The following F2 variants were observed in gnomAD, a reference collection of about 807,000 sequenced individuals.
The protein encoded by F2 is prothrombin.
In F2, 34 loss-of-function variants were observed where a neutral mutation model predicts 81.9. The observed-to-expected ratio is 0.42, with a 90% confidence interval of 0.32 to 0.55. F2 has a LOEUF of 0.55. F2 is among the 20% of genes least tolerant of loss of function. The probability of loss-of-function intolerance (pLI) is 0.18; values close to 1 mark genes in which losing one functional copy is unlikely to be tolerated. For synonymous variants in F2, 296 were observed against 326.4 expected (o/e 0.91, Z 1.01); for missense variants, 630 against 833.4 (o/e 0.76, Z 3.00).
At chr11:46,732,435 C>T (rs942522814) in intron 12 of F2, among the ~76,000 whole-genome samples, 22 of 151,070 alleles carry the variant, frequency 1.5e-4, no homozygotes, top group Non-Finnish European at 2.8e-4. Flanking sequence ...CCCATGTTGC[C>T]CAGGCTGGAT....
Position 46,728,242 on chromosome 11 carries a change from G to A in F2, c.1298+79G>A, listed in dbSNP as rs775392832. 39 of 1,423,244 alleles carry A rather than the reference G, an allele frequency of 2.7e-5. No individual in the cohort carries two copies. In the Middle Eastern group the frequency reaches 2.0e-3, roughly 71 times the overall value. 88.2% of individuals were successfully genotyped at this position (1,423,244 alleles called of 1,614,324 possible). A position where few individuals can be genotyped will look rare whatever the true frequency, so the allele number is the denominator to read the frequency against. ...GATCATGAGGGGCCCTGGTGGCTCC[G>A]GGACACATAGGATGTTCTGTATACC... On this transcript the variant is annotated intron_variant, in intron 10 of 13. Transcript: ENST00000311907. This position sits in a 1 kb window ranked among gnomAD's most constrained non-coding sequence, Gnocchi z 5.1.
chr11:46,733,880 C>T (rs549712998), intron 12 of F2, among the ~76,000 whole-genome samples: 1 of 140,506 alleles, frequency 7.1e-6, no homozygotes, highest in South Asian at 2.2e-4. Flanking sequence ...CTTCCGCCTT[C>T]TGGGTTCAAG....
intron 12 of F2, 25 bp downstream of exon 12, chr11:46,729,586 G>A (rs1419466669): frequency 6.2e-7 from 1 of 1,602,504 alleles, no homozygotes; most frequent in South Asian, 1.1e-5. Flanking sequence ...GGCGGGCTGA[G>A]GGAACAGTGG....
At position 46,719,835 on chromosome 11, in the gene F2, C is replaced by T. The variant is rs371680056; in HGVS notation, c.213C>T (p.Phe71=). 51 of 1,580,244 alleles carry T rather than the reference C, an allele frequency of 3.2e-5. No individual in the cohort carries two copies. The highest frequency in any genetic ancestry group is 1.5e-4 in the South Asian group (13 of 85,982). Residue 71 remains phenylalanine (F), a synonymous_variant, in exon 2 of 14, where the codon TTC becomes TTT. Transcript: ENST00000311907. The surrounding 1 kb of genome is among the most constrained non-coding windows in gnomAD (Gnocchi z 4.7). ...VEETCSYEEA[F]EALESSTATD... Reference sequence around the variant, plus strand: ...AGACGTGCAGCTACGAGGAGGCCTTCGAGGCTCTGGAGTCCTCCACGGCTA... The same window carrying T: ...AGACGTGCAGCTACGAGGAGGCCTTTGAGGCTCTGGAGTCCTCCACGGCTA...
At chr11:46,736,356 C>G (rs3136529) in intron 12 of F2, among the ~76,000 whole-genome samples, 18 of 152,340 alleles carry the variant, frequency 1.2e-4, no homozygotes, top group Non-Finnish European at 2.5e-4. Flanking sequence ...TGGCTGGGCT[C>G]GAGCAAGTCT....
chr11:46,731,661 G>A (rs1414176212), intron 12 of F2, among the ~76,000 whole-genome samples: 1 of 151,782 alleles, frequency 6.6e-6, no homozygotes, highest in African/African-American at 2.4e-5. Context: ...TCTGATGAGT[G>A]CAGTCTGGTT....
chr11:46,724,667 A>G (rs1304067531), intron 6 of F2, among the ~76,000 whole-genome samples: 1 of 152,174 alleles, frequency 6.6e-6, no homozygotes, highest in Non-Finnish European at 1.5e-5. Context: ...GGATGCAGGC[A>G]GGGGTAAAGA....
At position 46,726,945 on chromosome 11, in the gene F2, C is replaced by T; in HGVS notation, c.1130+108C>T. On this transcript the variant is annotated intron_variant, in intron 9 of 13. Transcript: ENST00000311907. The surrounding 1 kb of genome is among the most constrained non-coding windows in gnomAD (Gnocchi z 5.9). ...GCCTGGGCTTTACAGATGACAACAG[C>T]TGAGCATCCAGGATCCCACCAACTC... 1 of 1,548,736 alleles carries T rather than the reference C, an allele frequency of 6.5e-7. No individual in the cohort carries two copies. Among genetic ancestry groups the T allele is most frequent in the Non-Finnish European group, 8.8e-7 (1 of 1,132,866 alleles).
chr11:46,729,168 G>C (rs1206874782), intron 11 of F2, among the ~76,000 whole-genome samples: 1 of 151,980 alleles, frequency 6.6e-6, no homozygotes, highest in Non-Finnish European at 1.5e-5. Flanking sequence ...GTAGAGACTG[G>C]TGGGTTTCAC....
At chr11:46,731,143 C>T (rs1410312227) in intron 12 of F2, among the ~76,000 whole-genome samples, 2 of 152,084 alleles carry the variant, frequency 1.3e-5, no homozygotes, top group African/African-American at 4.8e-5. Flanking sequence ...TCTTGAACTC[C>T]TGACCTCAGG....
chr11:46,719,647 C>A lies in F2; in HGVS notation c.80-55C>A. 6.4e-7 allele frequency: 1 copy of A among 1,552,676 alleles called. No homozygotes were observed. The highest frequency in any genetic ancestry group is 1.2e-5 in the South Asian group (1 of 84,098). ...GGCTTGCTTCATGCCCCCAGAATGG[C>A]CAAGACTGCCTGTTCCTGAGGCCGC... is the stretch of plus-strand genomic sequence containing the variant. On this transcript the variant is annotated intron_variant, in intron 1 of 13. Transcript: ENST00000311907. This position sits in a 1 kb window ranked among gnomAD's most constrained non-coding sequence, Gnocchi z 4.7.
chr11:46,721,877 CTG>C (rs1201411049), intron 4 of F2, among the ~76,000 whole-genome samples: 2 of 148,988 alleles, frequency 1.3e-5, no homozygotes, highest in East Asian at 3.9e-4. Flanking sequence ...GAGTCTCACT[CTG>C]TCGCCTAGGC....
chr11:46,727,788 T>A (rs948331909), intron 9 of F2, among the ~76,000 whole-genome samples: 21 of 151,650 alleles, frequency 1.4e-4, no homozygotes, highest in South Asian at 6.2e-4. Context: ...CAAAAATAAA[T>A]AAATAAATAA....
chr11:46,719,544 AGGGG>A lies in F2; in HGVS notation c.80-156_80-153del. 9.7e-7 allele frequency: 1 copy of A among 1,029,104 alleles called. No homozygotes were observed. The highest frequency in any genetic ancestry group is 1.5e-5 in the South Asian group (1 of 68,040). 63.7% of individuals were successfully genotyped at this position (1,029,104 alleles called of 1,614,324 possible). A position where few individuals can be genotyped will look rare whatever the true frequency, so the allele number is the denominator to read the frequency against. Reference sequence around the variant, plus strand: ...GCAAGGGGCAGTGTAGGAGGGGCACAGGGGGCCACATTTAGCAGCCTTCCAGGCA... The same window carrying A: ...GCAAGGGGCAGTGTAGGAGGGGCACAGCCACATTTAGCAGCCTTCCAGGCA... On this transcript the variant is annotated intron_variant, in intron 1 of 13. Transcript: ENST00000311907. The surrounding 1 kb of genome is among the most constrained non-coding windows in gnomAD (Gnocchi z 4.7).
intron 4 of F2, among the ~76,000 whole-genome samples, chr11:46,722,563 C>T (rs897614509): frequency 1.3e-5 from 2 of 152,072 alleles, no homozygotes; most frequent in African/African-American, 2.4e-5. Context: ...ACTTCAGTCT[C>T]GGCAACAGAA....
At chr11:46,729,350 T>C in intron 11 of F2, 30 bp from the exon 12 acceptor site, 1 of 1,606,412 alleles carries the variant, frequency 6.2e-7, no homozygotes, top group South Asian at 1.1e-5. Flanking sequence ...GGGGGTTGGC[T>C]CTCACTAGGC....
chr11:46,730,028 C>T (rs993515522), intron 12 of F2, among the ~76,000 whole-genome samples: 3 of 152,028 alleles, frequency 2.0e-5, no homozygotes, highest in Non-Finnish European at 2.9e-5. Flanking sequence ...GGAGAGAGAA[C>T]GGCTGATGAA....
Position 46,720,497 on chromosome 11 carries a change from C to G in F2, c.241-26C>G, listed in dbSNP as rs147062971. 6.4e-3 allele frequency: 10,276 copies of G among 1,613,878 alleles called. 59 individuals carry two copies. The highest frequency in any genetic ancestry group is 0.014 in the Middle Eastern group (86 of 6,062). On this transcript the variant is annotated intron_variant, in intron 2 of 13. Coordinates refer to ENST00000311907, the MANE Select transcript of F2 (RefSeq NM_000506.5). ...CAACACAAAACAGGAGCTGCCGTAG[C>G]CTCACTCCCAGCCCTTGTTTTTCAG...
Position 46,729,392 on chromosome 11 carries a change from T to C in F2, c.1485T>C (p.Ala495=), listed in dbSNP as rs1330947455. 6.2e-7 allele frequency: 1 copy of C among 1,613,916 alleles called. No homozygotes were observed. Among genetic ancestry groups the C allele is most frequent in the South Asian group, 1.1e-5 (1 of 91,080 alleles). The change falls in exon 12 of 14, where the codon GCT becomes GCC. Residue 495 remains alanine, a synonymous_variant. Transcript: ENST00000311907. The stretch of plus-strand genomic sequence containing the variant: ...TCCTTCCCCAAAGCTTGCTCCAGGC[T>C]GGATACAAGGGGCGGGTGACAGGCT... ...DRETAASLLQ[A]GYKGRVTGWG...
Sources: allele counts gnomAD v4.1 joint callset (sites outside exome capture counted in the v4.1 genomes callset), GRCh38; gene constraint gnomAD v4.1.1; non-coding constraint Gnocchi (gnomAD v3.1); transcripts MANE v1.5; gene names NCBI Gene and HGNC (gene_info 2026-07-23, HGNC 2026-07-21).